Variants in SEL1L2 observed in about 807,000 individuals in gnomAD.
SEL1L2 encodes SEL1L2 adaptor subunit of SYVN1 ubiquitin ligase.
Under a neutral mutation model 98.8 loss-of-function variants are expected in SEL1L2, and 89 were observed. The observed-to-expected ratio is 0.90, with a 90% CI of 0.76 to 1.07. The LOEUF is 1.07. SEL1L2 is among the 50% of genes least tolerant of loss of function. The pLI, the probability that SEL1L2 is intolerant of heterozygous loss-of-function variation, is 0.00. For synonymous variants in SEL1L2, 262 were observed against 278.5 expected, an observed-to-expected ratio of 0.94 and a Z score of 0.59; for missense variants, 788 against 812.0, an observed-to-expected ratio of 0.97 and a Z score of 0.36.
chr20:13,951,078 C>T (rs564282005), intron 2 of SEL1L2, among the ~76,000 whole-genome samples: 4 of 148,386 alleles, frequency 2.7e-5, no homozygotes, highest in Admixed American at 6.7e-5. Flanking sequence ...AGATCGAGAC[C>T]ATCCTGGCTA....
At chr20:13,942,531 G>A (rs1460900918) in intron 2 of SEL1L2, among the ~76,000 whole-genome samples, 7 of 152,162 alleles carry the variant, frequency 4.6e-5, no homozygotes, top group Non-Finnish European at 7.4e-5. Flanking sequence ...TCCTCCAGGT[G>A]ATTATGATGC....
At chr20:13,956,283 A>C in intron 1 of SEL1L2, 152 bp from the exon 2 acceptor site, 5 of 537,888 alleles carry the variant, frequency 9.3e-6, no homozygotes, top group Non-Finnish European at 1.3e-5. Context: ...GTTCCTAATA[A>C]TGTGTTAAAA....
intron 1 of SEL1L2, among the ~76,000 whole-genome samples, chr20:13,959,454 G>A (rs1014858089): frequency 2.6e-5 from 4 of 152,102 alleles, no homozygotes; most frequent in African/African-American, 9.7e-5. Flanking sequence ...GAGATGCACC[G>A]AAAACTGCAA....
intron 18 of SEL1L2, among the ~76,000 whole-genome samples, chr20:13,851,073 C>A (rs1176182420): frequency 6.6e-6 from 1 of 152,036 alleles, no homozygotes; most frequent in Non-Finnish European, 1.5e-5. Flanking sequence ...CCTGTCCCTA[C>A]TAAAAATGCA....
upstream of SEL1L2, among the ~76,000 whole-genome samples, chr20:13,994,507 G>A (rs541304151): frequency 6.6e-6 from 1 of 152,088 alleles, no homozygotes; most frequent in African/African-American, 2.4e-5. Flanking sequence ...TACCCAAACT[G>A]CCAAATAAAT....
chr20:13,918,179 AAACT>A (rs1334820556), intron 4 of SEL1L2, among the ~76,000 whole-genome samples: 2 of 152,292 alleles, frequency 1.3e-5, no homozygotes, highest in Middle Eastern at 3.4e-3. Flanking sequence ...ACTCAAGATA[AAACT>A]AACACACCTG....
intron 3 of SEL1L2, among the ~76,000 whole-genome samples, chr20:13,925,605 A>G (rs1399621928): frequency 6.6e-6 from 1 of 152,168 alleles, no homozygotes; most frequent in Non-Finnish European, 1.5e-5. Flanking sequence ...TCCCTTCTCA[A>G]AAGTCCTAAT....
chr20:13,959,914 G>A (rs529545254), intron 1 of SEL1L2, among the ~76,000 whole-genome samples: 16 of 152,304 alleles, frequency 1.1e-4, no homozygotes, highest in Admixed American at 2.0e-4. Context: ...ACTATGGCAA[G>A]TAAAGCATAA....
At chr20:13,921,855 C>T (rs887393635) in intron 3 of SEL1L2, among the ~76,000 whole-genome samples, 25 of 152,148 alleles carry the variant, frequency 1.6e-4, no homozygotes, top group African/African-American at 5.5e-4. Flanking sequence ...TTTGGAACGT[C>T]ATTTACTAGA....
At chr20:13,965,845 C>T (rs1466484138) in intron 1 of SEL1L2, among the ~76,000 whole-genome samples, 7 of 151,146 alleles carry the variant, frequency 4.6e-5, no homozygotes, top group Admixed American at 2.0e-4. Flanking sequence ...CCCAGCTACT[C>T]GGGAGGCTGA....
intron 14 of SEL1L2, among the ~76,000 whole-genome samples, chr20:13,868,823 G>A (rs56116023): frequency 2.0e-5 from 3 of 151,792 alleles, no homozygotes; most frequent in Non-Finnish European, 4.4e-5. Flanking sequence ...GGCCAGGCTG[G>A]TCTCGAATTC....
intron 1 of SEL1L2, among the ~76,000 whole-genome samples, chr20:13,965,512 C>T (rs2051001649): frequency 1.3e-5 from 2 of 152,206 alleles, no homozygotes; most frequent in African/African-American, 4.8e-5. Context: ...CAGCGTAAAT[C>T]AGACCCAGTC....
chr20:13,951,046 G>T (rs36089923), intron 2 of SEL1L2, among the ~76,000 whole-genome samples: 34,135 of 151,628 alleles, frequency 0.23, 4,218 homozygotes, highest in African/African-American at 0.33. Flanking sequence ...GGAGGCCGAG[G>T]CGTGCGGATC....
chr20:13,944,472 C>T (rs1265993869), intron 2 of SEL1L2, among the ~76,000 whole-genome samples: 2 of 152,106 alleles, frequency 1.3e-5, no homozygotes, highest in East Asian at 3.9e-4. Flanking sequence ...GAGAAAGAAG[C>T]AGAGGGTGAG....
intron 1 of SEL1L2, among the ~76,000 whole-genome samples, chr20:13,976,194 G>A (rs2051526407): frequency 6.6e-6 from 1 of 152,026 alleles, no homozygotes; most frequent in Non-Finnish European, 1.5e-5. Flanking sequence ...TAGAGACAGG[G>A]TTTCTCCATG....
intron 4 of SEL1L2, chr20:13,915,069 A>AC: frequency 1.6e-6 from 2 of 1,256,168 alleles, no homozygotes; most frequent in Non-Finnish European, 2.1e-6. Context: ...GGGAAAAAAA[A>AC]CCCCATAAAA....
chr20:13,980,542 A>T (rs1569081420), intron 1 of SEL1L2, among the ~76,000 whole-genome samples: 2 of 152,184 alleles, frequency 1.3e-5, no homozygotes, highest in Admixed American at 1.3e-4. Context: ...TGTGAGTGGG[A>T]ATATAAATTG....
intron 1 of SEL1L2, among the ~76,000 whole-genome samples, chr20:13,990,139 C>T (rs1402065166): frequency 6.6e-6 from 1 of 152,140 alleles, no homozygotes; most frequent in Non-Finnish European, 1.5e-5. Flanking sequence ...AGTCTTGGAA[C>T]TAGACCTTTA....
intron 12 of SEL1L2, among the ~76,000 whole-genome samples, chr20:13,870,872 G>A (rs931691620): frequency 4.2e-5 from 6 of 142,946 alleles, no homozygotes; most frequent in Admixed American, 3.0e-4. Flanking sequence ...GCAGTGAGCC[G>A]AGATTGCGCC....
Sources: gnomAD v4.1 joint callset for allele counts (sites outside exome capture counted in the v4.1 genomes callset) on GRCh38, gnomAD v4.1.1 for gene constraint, MANE v1.5 for transcripts, NCBI Gene and HGNC (gene_info 2026-07-23, HGNC 2026-07-21) for gene names.